ITPR1: variants seen among roughly 807,000 people sequenced by gnomAD.
The protein encoded by ITPR1 is inositol 1,4,5-trisphosphate receptor type 1.
A neutral mutation model predicts 318.4 loss-of-function variants in ITPR1; 96 were observed. The ratio of observed to expected loss-of-function variants is 0.30; its 90% CI spans 0.26 to 0.36. The LOEUF (loss-of-function observed/expected upper bound fraction) is 0.36. Among genes scored for constraint, ITPR1 ranks in the 10% least tolerant of loss-of-function variants. The pLI, the probability that ITPR1 is intolerant of heterozygous loss-of-function variation, is 1.00. For synonymous variants in ITPR1, 1,312 were observed against 1,289.9 expected (o/e 1.02, Z -0.37); for missense variants, 2,440 against 3,460.2 (o/e 0.71, Z 7.40).
intron 5 of ITPR1, among the ~76,000 whole-genome samples, chr3:4,636,212 A>G (rs1028029404): frequency 6.6e-6 from 1 of 152,250 alleles, no homozygotes; most frequent in Non-Finnish European, 1.5e-5. Context: ...ATTAAATTTG[A>G]TATTTGTGCA....
rs1328793192 is a variant in ITPR1 at position 4,676,440 on chromosome 3, C to A, written c.2780-174C>A. Among the ~76,000 whole-genome samples, 3 of 152,162 alleles carry A rather than the reference C, an allele frequency of 2.0e-5. No individual in the cohort carries two copies. The East Asian group carries it at 5.8e-4, about 29-fold the overall frequency. On this transcript the variant is annotated intron_variant, in intron 23 of 61. Transcript: ENST00000649015. ...AAGCCCGTGATCTTTCTGTTGCTCT[C>A]AGAAGCCCAGATTTTTGATGTGCAT...
intron 61 of ITPR1, among the ~76,000 whole-genome samples, chr3:4,837,436 A>G (rs555241226): frequency 5.3e-5 from 8 of 152,218 alleles, no homozygotes; most frequent in East Asian, 1.9e-4. Flanking sequence ...CTGAGTGGCT[A>G]TCATAGTACA....
At chr3:4,636,091 C>T (rs1247219843) in intron 5 of ITPR1, among the ~76,000 whole-genome samples, 1 of 151,958 alleles carries the variant, frequency 6.6e-6, no homozygotes, top group Admixed American at 6.6e-5. Flanking sequence ...AACTCCCGAC[C>T]TCACGTGATC....
intron 5 of ITPR1, among the ~76,000 whole-genome samples, chr3:4,635,927 C>A (rs1042353401): frequency 1.3e-5 from 2 of 151,408 alleles, no homozygotes; most frequent in Non-Finnish European, 2.9e-5. Flanking sequence ...ATGGCATGAT[C>A]TCAGCTCACT....
At position 4,688,363 on chromosome 3, in the gene ITPR1, C is replaced by G. The variant is rs553552721; in HGVS notation, c.3703-132C>G. 7.9e-6 allele frequency: 8 copies of G among 1,015,456 alleles called. No homozygotes were observed. The Admixed American group carries it at 1.3e-4, about 16-fold the overall frequency. 62.9% of individuals were successfully genotyped at this position (1,015,456 alleles called of 1,614,324 possible). A position where few individuals can be genotyped will look rare whatever the true frequency, so the allele number is the denominator to read the frequency against. On this transcript the variant is annotated intron_variant, in intron 30 of 61. Transcript: ENST00000649015. ...TCTTTTCAGCGTCAGCAGTGCAGCC[C>G]CTCAATATTTACCCACAACAGGTCC... is the stretch of plus-strand genomic sequence containing the variant.
At chr3:4,798,273 A>G (rs181979681) in intron 53 of ITPR1, among the ~76,000 whole-genome samples, 44 of 152,250 alleles carry the variant, frequency 2.9e-4, no homozygotes, top group African/African-American at 9.9e-4. Context: ...AAACTATTCA[A>G]TTAAAACAGT....
intron 5 of ITPR1, among the ~76,000 whole-genome samples, chr3:4,636,030 T>A (rs62231567): frequency 0.062 from 9,384 of 152,014 alleles, 352 homozygotes; most frequent in East Asian, 0.14. Context: ...CCAGCTAATT[T>A]TGTATTTTTA....
chr3:4,737,857 G>A (rs972172566), intron 44 of ITPR1, among the ~76,000 whole-genome samples: 3 of 152,172 alleles, frequency 2.0e-5, no homozygotes, highest in Non-Finnish European at 2.9e-5. Flanking sequence ...TTGTTTGGGT[G>A]GTGGTTACAT....
intron 50 of ITPR1, among the ~76,000 whole-genome samples, chr3:4,782,951 T>C (rs1396995658): frequency 6.6e-6 from 1 of 152,198 alleles, no homozygotes; most frequent in Non-Finnish European, 1.5e-5. Context: ...GATAGGGTCA[T>C]GTAGTTGGAA....
intron 37 of ITPR1, among the ~76,000 whole-genome samples, chr3:4,707,165 G>T (rs1364505463): frequency 6.6e-6 from 1 of 152,226 alleles, no homozygotes; most frequent in Non-Finnish European, 1.5e-5. Context: ...TTGATGTGAG[G>T]ATTAAGAGAG....
intron 42 of ITPR1, among the ~76,000 whole-genome samples, chr3:4,730,370 AATGTGTGTGT>A (rs1559788252): frequency 3.3e-5 from 3 of 91,558 alleles, no homozygotes; most frequent in East Asian, 3.6e-4. Flanking sequence ...TGTTGGGTGG[AATGTGTGTGT>A]GTGTGTGTGT....
intron 31 of ITPR1, 128 bp downstream of exon 31, chr3:4,688,748 G>T (rs2094436213): frequency 1.1e-6 from 1 of 876,700 alleles, no homozygotes; most frequent in East Asian, 2.7e-5. Context: ...TTCCAAAGGG[G>T]AACATTTTCA....
Position 4,684,069 on chromosome 3 carries a change from T to A in ITPR1, c.3499-212T>A, listed in dbSNP as rs544106443. On this transcript the variant is annotated intron_variant, in intron 28 of 61. Transcript: ENST00000649015. ...TTCCCTTACAGACCCACTTGGGAAT[T>A]GACCTGTTCTCTAGGCATGGCCCAG... is the stretch of plus-strand genomic sequence containing the variant. Among the ~76,000 whole-genome samples the A allele has an allele frequency of 6.8e-4, 104 of 152,332 alleles. 2 individuals are homozygous for A. In the South Asian group the frequency reaches 0.021, roughly 30 times the overall value.
chr3:4,680,192 C>A (rs569836740), intron 24 of ITPR1, among the ~76,000 whole-genome samples: 1 of 152,164 alleles, frequency 6.6e-6, no homozygotes, highest in African/African-American at 2.4e-5. Context: ...CAGGCAACTT[C>A]ACTCTTTTCA....
intron 4 of ITPR1, 73 bp downstream of exon 4, chr3:4,521,167 G>A: frequency 9.9e-7 from 1 of 1,008,664 alleles, no homozygotes; most frequent in East Asian, 2.4e-5. Flanking sequence ...GTTGGTGTGT[G>A]TGTGTGTTTA....
chr3:4,516,983 T>C (rs2082216874), intron 3 of ITPR1, among the ~76,000 whole-genome samples: 1 of 152,356 alleles, frequency 6.6e-6, no homozygotes, highest in Non-Finnish European at 1.5e-5. Flanking sequence ...GACTCCTTTA[T>C]AATATAAGCA....
In ITPR1 at chr3:4,733,132, C is replaced by T. The variant is rs61757111; in HGVS notation, c.5265C>T (p.Asn1755=). 4,719 of 1,613,816 alleles carry T rather than the reference C, an allele frequency of 2.9e-3. 7 individuals are homozygous for T. The highest frequency in any genetic ancestry group is 3.6e-3 in the Non-Finnish European group (4,239 of 1,179,798). ...TTCTGGTCAACCGTTACTATGGAAA[C>T]GTCAGACCTTCGGGACGAAGAGAGA... ...RQVLVNRYYG[N]VRPSGRRESL... Residue 1755 remains asparagine, a synonymous_variant, in exon 43 of 62, where the codon AAC becomes AAT. Coordinates refer to ENST00000649015, the MANE Select transcript of ITPR1 (RefSeq NM_001378452.1).
intron 4 of ITPR1, among the ~76,000 whole-genome samples, chr3:4,557,293 C>A (rs1216652615): frequency 6.6e-6 from 1 of 152,154 alleles, no homozygotes; most frequent in Non-Finnish European, 1.5e-5. Context: ...TGCAGGGGAA[C>A]TCTCCTTTAT....
intron 2 of ITPR1, among the ~76,000 whole-genome samples, chr3:4,502,446 CT>C (rs889373862): frequency 4.9e-4 from 71 of 145,708 alleles, no homozygotes; most frequent in Non-Finnish European, 4.4e-4. Flanking sequence ...CCCCTCTCTC[CT>C]TTTTTTTTTT....
Sources: allele counts gnomAD v4.1 joint callset (sites outside exome capture counted in the v4.1 genomes callset), GRCh38; gene constraint gnomAD v4.1.1; transcripts MANE v1.5; gene names NCBI Gene and HGNC (gene_info 2026-07-23, HGNC 2026-07-21).